Variants in NRCAM observed in about 807,000 individuals in gnomAD.
NRCAM encodes NgCAM-related cell adhesion molecule.
A neutral mutation model predicts 156.5 loss-of-function variants in NRCAM; 83 were observed. The observed-to-expected ratio is 0.53, with a 90% CI of 0.44 to 0.64. NRCAM has a LOEUF of 0.64. Among genes scored for constraint, NRCAM ranks in the 30% least tolerant of loss-of-function variants. The probability of loss-of-function intolerance (pLI) is 0.00; values close to 1 mark genes in which losing one functional copy is unlikely to be tolerated. For synonymous variants in NRCAM, 538 were observed against 563.9 expected (o/e 0.95, Z 0.65); for missense variants, 1,417 against 1,597.3 (o/e 0.89, Z 1.92).
intron 3 of NRCAM, among the ~76,000 whole-genome samples, chr7:108,308,121 G>A (rs533553756): frequency 1.2e-4 from 18 of 152,340 alleles, no homozygotes; most frequent in African/African-American, 4.3e-4. Context: ...AATAAGGGAT[G>A]CCATTTATAA....
intron 3 of NRCAM, among the ~76,000 whole-genome samples, chr7:108,306,488 T>G (rs563926420): frequency 1.3e-5 from 2 of 152,340 alleles, no homozygotes; most frequent in East Asian, 3.9e-4. Context: ...TGGCTGAACC[T>G]TCTCACATCA....
intron 3 of NRCAM, among the ~76,000 whole-genome samples, chr7:108,287,601 A>G (rs531329838): frequency 6.6e-6 from 1 of 152,246 alleles, no homozygotes; most frequent in East Asian, 1.9e-4. Context: ...ACTAATCATA[A>G]AAATGAATAT....
chr7:108,282,675 A>C (rs1341446816), intron 3 of NRCAM, among the ~76,000 whole-genome samples: 3 of 152,048 alleles, frequency 2.0e-5, no homozygotes, highest in African/African-American at 7.3e-5. Flanking sequence ...GAGCTCTGTC[A>C]GTCATCCTTT....
intron 32 of NRCAM, among the ~76,000 whole-genome samples, chr7:108,157,625 G>A (rs1489475224): frequency 6.6e-6 from 1 of 152,120 alleles, no homozygotes; most frequent in Non-Finnish European, 1.5e-5. Context: ...ACATTGTATA[G>A]TGGTGGGGTT....
At chr7:108,406,732 A>G (rs2099808592) in intron 1 of NRCAM, among the ~76,000 whole-genome samples, 4 of 152,220 alleles carry the variant, frequency 2.6e-5, no homozygotes, top group Admixed American at 2.6e-4. Flanking sequence ...AATAGAATAA[A>G]CAAAACAATT....
intron 11 of NRCAM, among the ~76,000 whole-genome samples, chr7:108,211,244 G>GCAGAAT (rs2084154569): frequency 6.6e-6 from 1 of 152,158 alleles, no homozygotes; most frequent in South Asian, 2.1e-4. Context: ...GGAGCTCGCT[G>GCAGAAT]GGTCCCCAAG....
chr7:108,292,457 G>T (rs1301112747), intron 3 of NRCAM, among the ~76,000 whole-genome samples: 1 of 152,198 alleles, frequency 6.6e-6, no homozygotes, highest in Non-Finnish European at 1.5e-5. Context: ...AAGTTTTAGA[G>T]ACTTGCTTAC....
rs113721532 is a variant in NRCAM at position 108,279,505 on chromosome 7, G to GTTT, written c.-107+33157_-107+33159dup. Among the ~76,000 whole-genome samples the GTTT allele has an allele frequency of 6.2e-4, 94 of 150,716 alleles. 1 individual carries two copies. The highest frequency in any genetic ancestry group is 3.4e-3 in the Middle Eastern group (1 of 292). ...CCCACAGTGTGACTTATGCAACACT[G>GTTT]TTTTTTTTTGGTTGTTGTTTGTTTG... On this transcript the variant is annotated intron_variant, in intron 3 of 32. Coordinates refer to ENST00000379028, the MANE Select transcript of NRCAM (RefSeq NM_001037132.4).
intron 1 of NRCAM, among the ~76,000 whole-genome samples, chr7:108,410,562 T>C (rs555464787): frequency 1.3e-5 from 2 of 152,358 alleles, no homozygotes; most frequent in African/African-American, 4.8e-5. Context: ...AGGTAGGGAC[T>C]GGGCCTTGAT....
chr7:108,406,514 CTCCT>C (rs1252478946), intron 1 of NRCAM, among the ~76,000 whole-genome samples: 1 of 152,198 alleles, frequency 6.6e-6, no homozygotes, highest in East Asian at 1.9e-4. Flanking sequence ...CATTTCATGT[CTCCT>C]TCCATGTTGG....
At chr7:108,283,043 T>C (rs1428749360) in intron 3 of NRCAM, among the ~76,000 whole-genome samples, 1 of 143,476 alleles carries the variant, frequency 7.0e-6, no homozygotes, top group Non-Finnish European at 1.5e-5. Context: ...CTCTGTTCCC[T>C]ACTCTCTAAG....
Position 108,182,793 on chromosome 7 carries a change from G to A in NRCAM, c.2432C>T (p.Thr811Met), listed in dbSNP as rs766439513. 6.8e-6 allele frequency: 11 copies of A among 1,614,114 alleles called. No homozygotes were observed. Among genetic ancestry groups the A allele is most frequent in the African/African-American group, 2.7e-5 (2 of 74,934 alleles). Reference protein sequence around the residue: ...ANVSKYIVSGTPTFVPYLIKV... With the variant: ...ANVSKYIVSGMPTFVPYLIKV... ...GATCAGGTATGGAACAAAGGTTGGC[G>A]TGCCTGAGACAATATATTTGGATAC... The change falls in exon 23 of 33, where the codon ACG becomes ATG. Residue 811 changes from threonine to methionine, a missense_variant. By Grantham distance (81) the Thr-to-Met change is moderately conservative. Around this residue, in one of 2 missense-constraint regions of NRCAM, gnomAD observed 1,238 missense variants for 1,336.4 expected, o/e 0.93. Transcript: ENST00000379028.
rs373112607 is a variant in NRCAM, at chr7:108,284,346, ACTTT to A, written c.-107+28315_-107+28318del. Among the ~76,000 whole-genome samples, 60 of 151,914 alleles carry A rather than the reference ACTTT, an allele frequency of 3.9e-4. No individual in the cohort carries two copies. In the East Asian group the frequency reaches 0.011, roughly 29 times the overall value. ...TGAGTCTCTCTTCTCAACCTCTTTT[ACTTT>A]CTTTATTTAGGTGTTGCAGGCCAGA... On this transcript the variant is annotated intron_variant, in intron 3 of 32. Transcript: ENST00000379028.
intron 2 of NRCAM, among the ~76,000 whole-genome samples, chr7:108,396,255 C>T (rs1393757333): frequency 1.3e-5 from 2 of 152,098 alleles, no homozygotes; most frequent in East Asian, 1.9e-4. Flanking sequence ...TGAGTAGAAA[C>T]TTTTGTTACT....
intron 20 of NRCAM, among the ~76,000 whole-genome samples, chr7:108,186,334 C>A (rs1438481734): frequency 2.6e-5 from 4 of 152,200 alleles, no homozygotes. Flanking sequence ...GACAATTCCA[C>A]TTGGTTGTCC....
intron 29 of NRCAM, 68 bp downstream of exon 29, chr7:108,168,209 G>T: frequency 1.4e-6 from 2 of 1,401,790 alleles, no homozygotes; most frequent in East Asian, 2.6e-5. Context: ...AAATTCTTAA[G>T]AATGTTTTTA....
In NRCAM at chr7:108,223,762, C is replaced by T; in HGVS notation, c.853G>A (p.Gly285Arg). Reference protein sequence around the residue: ...GNASNKEELRGNVLSLECIAE... With the variant: ...GNASNKEELRRNVLSLECIAE... ...ATGCACTCCAGTGAAAGCACATTTC[C>T]TCTTAATTCCTCTTTGTTACTTGCA... is the stretch of plus-strand genomic sequence containing the variant. The change falls in exon 11 of 33, where the codon GGA (glycine) becomes AGA (arginine). Residue 285 changes from glycine to arginine, a missense_variant. Gly to Arg is a moderately radical substitution (Grantham distance 125). This residue lies in a region of NRCAM where 1,238 missense variants were observed against 1,336.4 expected (regional missense o/e 0.93). Transcript: ENST00000379028. 6.2e-7 allele frequency: 1 copy of T among 1,609,006 alleles called. No individual in the cohort carries two copies. Among genetic ancestry groups the T allele is most frequent in the Non-Finnish European group, 8.5e-7 (1 of 1,175,608 alleles).
chr7:108,398,793 CTATT>C (rs1426452457), intron 2 of NRCAM, among the ~76,000 whole-genome samples: 1 of 152,178 alleles, frequency 6.6e-6, no homozygotes, highest in Non-Finnish European at 1.5e-5. Flanking sequence ...TTGGTCATAT[CTATT>C]TATGTGCCTG....
chr7:108,333,154 C>T (rs1411143637), intron 2 of NRCAM, among the ~76,000 whole-genome samples: 1 of 152,162 alleles, frequency 6.6e-6, no homozygotes, highest in African/African-American at 2.4e-5. Context: ...AGGCTTATTA[C>T]CATTTTCTGG....
Sources: allele counts gnomAD v4.1 joint callset (sites outside exome capture counted in the v4.1 genomes callset), GRCh38; gene constraint gnomAD v4.1.1; regional missense constraint gnomAD v4.1.1; transcripts MANE v1.5; gene names NCBI Gene and HGNC (gene_info 2026-07-23, HGNC 2026-07-21).